CECR2: variants seen among roughly 807,000 people sequenced by gnomAD.
The protein encoded by CECR2 is CECR2 histone acetyl-lysine reader.
In CECR2, 30 loss-of-function variants were observed where a neutral mutation model predicts 154.5. The observed-to-expected ratio is 0.19, with a 90% CI of 0.15 to 0.26. CECR2 has a LOEUF of 0.26. Among genes scored for constraint, CECR2 ranks in the 10% least tolerant of loss-of-function variants. CECR2 has a pLI of 1.00. For missense variants in CECR2, 1,743 were observed against 1,829.3 expected, an observed-to-expected ratio of 0.95 and a Z score of 0.86; for synonymous variants, 725 against 683.7, an observed-to-expected ratio of 1.06 and a Z score of -0.94.
intron 6 of CECR2, among the ~76,000 whole-genome samples, chr22:17,504,566 A>G (rs1416236379): frequency 6.6e-6 from 1 of 151,688 alleles, no homozygotes; most frequent in African/African-American, 2.4e-5. Flanking sequence ...CCTCCCGAGT[A>G]GCTAGGATCA....
At chr22:17,453,038 T>C (rs1457991769) in intron 1 of CECR2, among the ~76,000 whole-genome samples, 1 of 152,198 alleles carries the variant, frequency 6.6e-6, no homozygotes, top group Non-Finnish European at 1.5e-5. Context: ...TATTGAAATA[T>C]AGGAATTTTT....
At chr22:17,426,758 G>C (rs1431404834) in intron 1 of CECR2, among the ~76,000 whole-genome samples, 4 of 152,100 alleles carry the variant, frequency 2.6e-5, no homozygotes, top group African/African-American at 9.7e-5. Flanking sequence ...TTTGGAAGTT[G>C]CTGATTTTAT....
At chr22:17,420,320 G>A (rs762961263) in intron 1 of CECR2, among the ~76,000 whole-genome samples, 13 of 152,148 alleles carry the variant, frequency 8.5e-5, no homozygotes, top group Non-Finnish European at 1.9e-4. Flanking sequence ...CCTTGAACAC[G>A]GATTATCCCC....
At chr22:17,517,169 G>A (rs763006401) in intron 8 of CECR2, among the ~76,000 whole-genome samples, 27 of 152,342 alleles carry the variant, frequency 1.8e-4, no homozygotes, top group Admixed American at 6.5e-4. Flanking sequence ...GAGCCACCGC[G>A]CCTGGCCAAG....
intron 2 of CECR2, among the ~76,000 whole-genome samples, chr22:17,491,394 C>T (rs995966875): frequency 3.9e-5 from 6 of 152,062 alleles, no homozygotes; most frequent in Non-Finnish European, 8.8e-5. Context: ...TTATAGTGGA[C>T]ATGAGGTGGT....
At chr22:17,412,823 G>A (rs1040791962) in intron 1 of CECR2, among the ~76,000 whole-genome samples, 3 of 152,176 alleles carry the variant, frequency 2.0e-5, no homozygotes, top group African/African-American at 4.8e-5. Flanking sequence ...GGCAGGCATC[G>A]TGCAGAGCCG....
chr22:17,476,327 C>T (rs1257537701), intron 1 of CECR2, among the ~76,000 whole-genome samples: 11 of 151,936 alleles, frequency 7.2e-5, no homozygotes, highest in Admixed American at 3.9e-4. Flanking sequence ...TACGCTGGCA[C>T]GATCTCATTT....
chr22:17,488,875 A>G (rs2055473305), intron 2 of CECR2, among the ~76,000 whole-genome samples: 1 of 152,208 alleles, frequency 6.6e-6, no homozygotes, highest in Non-Finnish European at 1.5e-5. Flanking sequence ...TTATTTTCCA[A>G]ACACTTGCAA....
At position 17,552,920 on chromosome 22, in the gene CECR2, A is replaced by G; in HGVS notation, c.*80A>G. 1.3e-6 allele frequency: 2 copies of G among 1,529,618 alleles called. No individual in the cohort carries two copies. The highest frequency in any genetic ancestry group is 1.8e-6 in the Non-Finnish European group (2 of 1,140,808). 94.8% of individuals were successfully genotyped at this position (1,529,618 alleles called of 1,614,324 possible). ...GTGGAGAACTGGGGAGTGCCCTGTC[A>G]GCTCTATTCCCATCACCTGCTCCAC... On this transcript the variant is annotated 3_prime_UTR_variant, in exon 19 of 19. Transcript: ENST00000262608.
intron 1 of CECR2, among the ~76,000 whole-genome samples, chr22:17,372,438 G>T (rs978816811): frequency 1.3e-5 from 2 of 152,080 alleles, no homozygotes; most frequent in African/African-American, 2.4e-5. Flanking sequence ...GGCCGAGGTG[G>T]GTCGATCACC....
At position 17,548,823 on chromosome 22, in the gene CECR2, C is replaced by T. The variant is rs368003991; in HGVS notation, c.3536C>T (p.Pro1179Leu). 1.2e-6 allele frequency: 2 copies of T among 1,613,706 alleles called. No homozygotes were observed. Among genetic ancestry groups the T allele is most frequent in the African/African-American group, 1.3e-5 (1 of 74,912 alleles). Reference sequence around the variant, plus strand: ...GGAGGCTTTCCCCGGTATCGCCCCCCACAAGGAATGAGGTATTCCTACCAC... The same window carrying T: ...GGAGGCTTTCCCCGGTATCGCCCCCTACAAGGAATGAGGTATTCCTACCAC... ...HSGGFPRYRP[P>L]QGMRYSYHPP... The change falls in exon 17 of 19, where the codon CCA (proline) becomes CTA (leucine). Residue 1179 changes from proline to leucine, a missense_variant. By Grantham distance (98) the Pro-to-Leu change is moderately conservative. This residue lies in a region of CECR2 where 1,250 missense variants were observed against 1,192.1 expected (regional missense o/e 1.05). Transcript: ENST00000262608.
At chr22:17,395,230 A>G (rs959009846) in intron 1 of CECR2, among the ~76,000 whole-genome samples, 13 of 151,992 alleles carry the variant, frequency 8.6e-5, no homozygotes, top group South Asian at 6.2e-4. Context: ...GTCTCACTCT[A>G]TTTCCCAGGC....
chr22:17,436,845 C>CT, intron 1 of CECR2, among the ~76,000 whole-genome samples: 1 of 152,214 alleles, frequency 6.6e-6, no homozygotes, highest in East Asian at 1.9e-4. Context: ...GCCTTGGGCT[C>CT]TTGCGCCTCT....
chr22:17,379,368 C>T (rs1049954188), intron 1 of CECR2, among the ~76,000 whole-genome samples: 4 of 152,144 alleles, frequency 2.6e-5, no homozygotes, highest in Non-Finnish European at 5.9e-5. Flanking sequence ...AAGGCCTTCC[C>T]CTACAAAAGG....
intron 9 of CECR2, among the ~76,000 whole-genome samples, chr22:17,526,638 G>A (rs771370974): frequency 2.0e-5 from 3 of 151,752 alleles, no homozygotes; most frequent in Admixed American, 6.6e-5. Context: ...TTGAAACCCC[G>A]TCTCTACTAA....
chr22:17,467,916 C>CTT (rs1247626991), intron 1 of CECR2, among the ~76,000 whole-genome samples: 1 of 152,188 alleles, frequency 6.6e-6, no homozygotes, highest in East Asian at 1.9e-4. Context: ...CTTTTGAGAC[C>CTT]ATGAGCTGAT....
chr22:17,438,652 T>G (rs554302700), intron 1 of CECR2, among the ~76,000 whole-genome samples: 4 of 151,986 alleles, frequency 2.6e-5, no homozygotes, highest in Admixed American at 1.3e-4. Flanking sequence ...TTAAAGCTCA[T>G]CAGGTATCAT....
chr22:17,511,788 T>G, intron 7 of CECR2, 25 bp from the exon 8 acceptor site: 3 of 1,593,158 alleles, frequency 1.9e-6, no homozygotes, highest in Non-Finnish European at 2.6e-6. Flanking sequence ...ATCTTTTCCT[T>G]TCTCTTCTTC....
chr22:17,457,075 G>C lies in CECR2; in HGVS notation c.127-20513G>C, dbSNP rs2054865002. Among the ~76,000 whole-genome samples the C allele has an allele frequency of 7.2e-5, 11 of 152,346 alleles. 1 individual carries two copies. In the South Asian group the frequency reaches 2.3e-3, roughly 32 times the overall value. ...ATTTCTCGCTCTTGTTGCCCAGGCTGGAGTGCAGTGGCACTATCTCTGTTC... is the reference window on the plus strand; with the variant it reads ...ATTTCTCGCTCTTGTTGCCCAGGCTCGAGTGCAGTGGCACTATCTCTGTTC... On this transcript the variant is annotated intron_variant, in intron 1 of 18. Transcript: ENST00000262608.
Sources: allele counts gnomAD v4.1 joint callset (sites outside exome capture counted in the v4.1 genomes callset), GRCh38; gene constraint gnomAD v4.1.1; regional missense constraint gnomAD v4.1.1; transcripts MANE v1.5; gene names NCBI Gene and HGNC (gene_info 2026-07-23, HGNC 2026-07-21).